The following GCH1 variants were observed in gnomAD, a reference collection of about 807,000 sequenced individuals.
The protein encoded by GCH1 is GTP cyclohydrolase I.
A neutral mutation model predicts 25.9 loss-of-function variants in GCH1; 5 were observed. That is an observed-to-expected ratio of 0.19 (90% CI 0.10 to 0.41). The LOEUF (loss-of-function observed/expected upper bound fraction) is 0.41, where lower values mean the gene tolerates loss of function less well. Among genes scored for constraint, GCH1 ranks in the 10% least tolerant of loss-of-function variants. The probability of loss-of-function intolerance (pLI) is 1.00; values close to 1 mark genes in which losing one functional copy is unlikely to be tolerated. For missense variants in GCH1, 261 were observed against 336.5 expected (o/e 0.78, Z 1.75); for synonymous variants, 159 against 129.6 (o/e 1.23, Z -1.54).
intron 1 of GCH1, among the ~76,000 whole-genome samples, chr14:54,886,764 C>A (rs919621716): frequency 6.6e-6 from 1 of 152,134 alleles, no homozygotes; most frequent in Non-Finnish European, 1.5e-5. Flanking sequence ...TGACTCCAGA[C>A]CAGAGCCTTA....
At chr14:54,872,828 T>C (rs2040100800) in intron 1 of GCH1, among the ~76,000 whole-genome samples, 2 of 152,134 alleles carry the variant, frequency 1.3e-5, no homozygotes, top group Admixed American at 6.5e-5. Flanking sequence ...ATGCACCCAA[T>C]ACAGGAGCAC....
rs1371565843 is a variant in GCH1 at position 54,844,113 on chromosome 14, C to G, written c.657G>C (p.Gln219His). The G allele has an allele frequency of 6.2e-7, 1 of 1,613,788 alleles. No homozygotes were observed. The highest frequency in any genetic ancestry group is 1.1e-5 in the South Asian group (1 of 91,078). Reference sequence around the variant, plus strand: ...TGGTCACAGTTTTGCTGTTCATTTTCTGTACACCTCGCATTACCATACACA... The same window carrying G: ...TGGTCACAGTTTTGCTGTTCATTTTGTGTACACCTCGCATTACCATACACA... ...THMCMVMRGV[Q>H]KMNSKTVTST... The change falls in exon 6 of 6, where the codon CAG becomes CAC. Residue 219 changes from glutamine (Q) to histidine (H), a missense_variant. Coordinates refer to ENST00000491895, the MANE Select transcript of GCH1 (RefSeq NM_000161.3).
chr14:54,881,299 C>T (rs138291945), intron 1 of GCH1, among the ~76,000 whole-genome samples: 186 of 152,218 alleles, frequency 1.2e-3, no homozygotes, highest in African/African-American at 3.9e-3. Context: ...GCCAGCTTCA[C>T]GCAGTGCTGC....
rs1362922539 is a variant in GCH1, at chr14:54,902,674, C to G, written c.-11G>C. The G allele has an allele frequency of 1.4e-6, 2 of 1,440,840 alleles. No homozygotes were observed. Among genetic ancestry groups the G allele is most frequent in the South Asian group, 2.8e-5 (2 of 71,512 alleles). The allele number at this position is 1,440,840 out of a possible 1,614,324, so 89.3% of individuals were successfully genotyped here. Reference sequence around the variant, plus strand: ...AGGGCCCTTCTCCATGGACCCGCCGCAGCCGCTGCCGTTCGGGAAGGACCC... The same window carrying G: ...AGGGCCCTTCTCCATGGACCCGCCGGAGCCGCTGCCGTTCGGGAAGGACCC... On this transcript the variant is annotated 5_prime_UTR_variant, in exon 1 of 6. Coordinates refer to ENST00000491895, the MANE Select transcript of GCH1 (RefSeq NM_000161.3).
intron 1 of GCH1, among the ~76,000 whole-genome samples, chr14:54,901,328 T>C (rs1252403152): frequency 6.6e-6 from 1 of 151,948 alleles, no homozygotes; most frequent in Non-Finnish European, 1.5e-5. Flanking sequence ...GACTGGAAAA[T>C]AATGTCTTTG....
intron 1 of GCH1, chr14:54,885,630 T>C: frequency 3.0e-6 from 1 of 328,436 alleles, no homozygotes; most frequent in Non-Finnish European, 5.8e-6. Context: ...GGCTCACACC[T>C]GTAATCCCAG....
intron 1 of GCH1, among the ~76,000 whole-genome samples, chr14:54,888,429 C>T (rs866149147): frequency 2.6e-5 from 4 of 152,272 alleles, no homozygotes; most frequent in Middle Eastern, 3.4e-3. Context: ...GACTCACCTA[C>T]CTAAGTTCAT....
At chr14:54,855,913 G>C (rs2039803935) in intron 3 of GCH1, among the ~76,000 whole-genome samples, 1 of 152,112 alleles carries the variant, frequency 6.6e-6, no homozygotes, top group South Asian at 2.1e-4. Context: ...TTTCCAGAAG[G>C]ATAGTGAAAG....
chr14:54,867,914 C>T (rs561196283), intron 1 of GCH1, among the ~76,000 whole-genome samples: 36 of 152,258 alleles, frequency 2.4e-4, no homozygotes, highest in African/African-American at 8.4e-4. Context: ...AAAATAGTAA[C>T]TTGGTGGAGA....
At chr14:54,874,828 C>A (rs1357207748) in intron 1 of GCH1, among the ~76,000 whole-genome samples, 2 of 152,080 alleles carry the variant, frequency 1.3e-5, no homozygotes, top group East Asian at 3.9e-4. Context: ...ACCACTGCTC[C>A]ATAAAATAAA....
intron 1 of GCH1, among the ~76,000 whole-genome samples, chr14:54,878,604 C>T (rs1235424371): frequency 6.6e-6 from 1 of 152,160 alleles, no homozygotes; most frequent in Non-Finnish European, 1.5e-5. Flanking sequence ...TTTGTGCCCA[C>T]GTCCCACAGA....
intron 3 of GCH1, among the ~76,000 whole-genome samples, chr14:54,857,074 G>A (rs537869635): frequency 6.6e-6 from 1 of 152,282 alleles, no homozygotes; most frequent in South Asian, 2.1e-4. Context: ...TAAGGAATAA[G>A]TAGTTGGATA....
intron 1 of GCH1, among the ~76,000 whole-genome samples, chr14:54,895,593 G>T (rs2040473995): frequency 6.6e-6 from 1 of 152,166 alleles, no homozygotes. Flanking sequence ...TTAACTAAGT[G>T]TAGGTTCTGA....
chr14:54,855,435 G>C (rs894298611), intron 3 of GCH1, among the ~76,000 whole-genome samples: 2 of 139,104 alleles, frequency 1.4e-5, no homozygotes, highest in African/African-American at 3.3e-5. Context: ...GAACCCAGGA[G>C]GTGGAGGCTG....
At chr14:54,886,767 G>C (rs879379086) in intron 1 of GCH1, among the ~76,000 whole-genome samples, 8 of 152,136 alleles carry the variant, frequency 5.3e-5, no homozygotes, top group Non-Finnish European at 7.4e-5. Context: ...CTCCAGACCA[G>C]AGCCTTAATC....
intron 1 of GCH1, among the ~76,000 whole-genome samples, chr14:54,882,713 A>C (rs976071783): frequency 6.6e-6 from 1 of 152,170 alleles, no homozygotes; most frequent in African/African-American, 2.4e-5. Context: ...CATTTGCTTC[A>C]AAAGCCTCTA....
At chr14:54,882,153 C>G (rs1009697950) in intron 1 of GCH1, among the ~76,000 whole-genome samples, 1 of 152,190 alleles carries the variant, frequency 6.6e-6, no homozygotes, top group Non-Finnish European at 1.5e-5. Context: ...GAACCGCACG[C>G]ACAGTGGTTC....
intron 4 of GCH1, 44 bp downstream of exon 4, chr14:54,847,055 A>C (rs2039653578): frequency 1.3e-6 from 1 of 790,552 alleles, no homozygotes; most frequent in East Asian, 2.8e-5. Flanking sequence ...AAAAAAGAAA[A>C]AAAAGAAAAA....
At position 54,842,750 on chromosome 14, in the gene GCH1, G is replaced by C. The variant is rs749552821; in HGVS notation, c.*1267C>G. ...GAATAACTGTGTTTGTGTTTCTGTG[G>C]AGGAGTTGCGGTTTTGTTTGTTTTA... On this transcript the variant is annotated 3_prime_UTR_variant, in exon 6 of 6. Transcript: ENST00000491895. 1 of 362,544 alleles carries C rather than the reference G, an allele frequency of 2.8e-6. No homozygotes were observed. The highest frequency in any genetic ancestry group is 4.9e-6 in the Non-Finnish European group (1 of 203,916). 22.5% of individuals were successfully genotyped at this position (362,544 alleles called of 1,614,324 possible).
Sources: gnomAD v4.1 joint callset for allele counts (sites outside exome capture counted in the v4.1 genomes callset) on GRCh38, gnomAD v4.1.1 for gene constraint, MANE v1.5 for transcripts, NCBI Gene and HGNC (gene_info 2026-07-23, HGNC 2026-07-21) for gene names.